The following GRIN2A variants were observed in gnomAD, a reference collection of about 807,000 sequenced individuals.
GRIN2A encodes the protein glutamate ionotropic receptor NMDA type subunit 2A, also known as glutamate receptor ionotropic, NMDA 2A.
In GRIN2A, 22 loss-of-function variants were observed where a neutral mutation model predicts 113.4. The ratio of observed to expected loss-of-function variants is 0.19; its 90% CI spans 0.14 to 0.28. GRIN2A has a LOEUF of 0.28. Ranked by LOEUF, GRIN2A falls within the 10% of genes least tolerant of loss-of-function variation. The pLI, the probability that GRIN2A is intolerant of heterozygous loss-of-function variation, is 1.00. For missense variants in GRIN2A, 1,502 were observed against 1,887.0 expected, an observed-to-expected ratio of 0.80 and a Z score of 3.78; for synonymous variants, 827 against 738.4, an observed-to-expected ratio of 1.12 and a Z score of -1.94.
At chr16:9,933,378 G>A (rs561925212) in intron 3 of GRIN2A, among the ~76,000 whole-genome samples, 1 of 152,114 alleles carries the variant, frequency 6.6e-6, no homozygotes, top group East Asian at 1.9e-4. Context: ...AGTCCATGAG[G>A]ACCACCAAGT....
intron 2 of GRIN2A, among the ~76,000 whole-genome samples, chr16:9,952,290 C>T (rs1292969889): frequency 6.6e-6 from 1 of 152,084 alleles, no homozygotes; most frequent in East Asian, 1.9e-4. Flanking sequence ...AAAGGGTTCC[C>T]AGTGACCCCT....
chr16:9,889,813 G>A (rs753071773), intron 4 of GRIN2A, among the ~76,000 whole-genome samples: 17 of 152,134 alleles, frequency 1.1e-4, no homozygotes, highest in African/African-American at 1.4e-4. Flanking sequence ...ATCAAAGAAT[G>A]CACCCTCCAT....
intron 2 of GRIN2A, among the ~76,000 whole-genome samples, chr16:10,067,644 G>C (rs534024991): frequency 6.6e-6 from 1 of 152,174 alleles, no homozygotes; most frequent in African/African-American, 2.4e-5. Context: ...GCAGCTGAGA[G>C]GAGTGGGGTG....
At chr16:9,957,736 A>T (rs1029387907) in intron 2 of GRIN2A, among the ~76,000 whole-genome samples, 6 of 152,200 alleles carry the variant, frequency 3.9e-5, no homozygotes, top group African/African-American at 1.4e-4. Context: ...GGGAAATTTA[A>T]CAACCGAAAG....
At chr16:9,906,501 T>C (rs567565830) in intron 3 of GRIN2A, among the ~76,000 whole-genome samples, 1 of 152,326 alleles carries the variant, frequency 6.6e-6, no homozygotes, top group South Asian at 2.1e-4. Context: ...GGTTCAGGGA[T>C]CGGTACGTGA....
At chr16:10,125,253 C>A (rs2048910768) in intron 2 of GRIN2A, among the ~76,000 whole-genome samples, 4 of 152,180 alleles carry the variant, frequency 2.6e-5, no homozygotes, top group South Asian at 4.1e-4. Context: ...GATTCAAGGT[C>A]TTTGACCCTG....
chr16:10,140,890 T>C (rs1182924031), intron 2 of GRIN2A, among the ~76,000 whole-genome samples: 1 of 152,152 alleles, frequency 6.6e-6, no homozygotes, highest in Non-Finnish European at 1.5e-5. Context: ...TGGGGAGACA[T>C]TCCCTGAATA....
At chr16:9,796,815 T>C (rs553511836) in intron 11 of GRIN2A, among the ~76,000 whole-genome samples, 1 of 152,154 alleles carries the variant, frequency 6.6e-6, no homozygotes, top group South Asian at 2.1e-4. Context: ...ATGAGGAAAA[T>C]AAATGCTTAC....
At chr16:9,911,455 T>C (rs955378694) in intron 3 of GRIN2A, among the ~76,000 whole-genome samples, 3 of 152,246 alleles carry the variant, frequency 2.0e-5, no homozygotes, top group African/African-American at 7.2e-5. Context: ...GTTAGCGATC[T>C]TGGGCAAGTT....
chr16:9,786,783 T>G (rs1902255554), intron 11 of GRIN2A, among the ~76,000 whole-genome samples: 2 of 152,230 alleles, frequency 1.3e-5, no homozygotes, highest in African/African-American at 4.8e-5. Context: ...TTAACTGACC[T>G]GTGACTCAGT....
At chr16:9,910,359 T>C (rs936082577) in intron 3 of GRIN2A, among the ~76,000 whole-genome samples, 1 of 152,040 alleles carries the variant, frequency 6.6e-6, no homozygotes, top group Non-Finnish European at 1.5e-5. Context: ...GGCAAATTTT[T>C]TGTTTTCTGT....
intron 2 of GRIN2A, chr16:10,112,765 G>A (rs1304798087): frequency 9.8e-6 from 7 of 712,688 alleles, no homozygotes; most frequent in African/African-American, 7.0e-5. Flanking sequence ...CTCATAGCGA[G>A]TAACCAGCAT....
chr16:9,998,385 T>A (rs942089381), intron 2 of GRIN2A, among the ~76,000 whole-genome samples: 2 of 152,180 alleles, frequency 1.3e-5, no homozygotes, highest in African/African-American at 4.8e-5. Flanking sequence ...GCCAGGGAGC[T>A]GGAAGGATGG....
intron 2 of GRIN2A, among the ~76,000 whole-genome samples, chr16:10,092,071 A>G (rs528298303): frequency 3.3e-5 from 5 of 152,334 alleles, no homozygotes; most frequent in East Asian, 3.9e-4. Context: ...AGCCCACACA[A>G]TAGTTTAGTC....
At chr16:9,972,346 A>G (rs779923260) in intron 2 of GRIN2A, among the ~76,000 whole-genome samples, 1 of 152,208 alleles carries the variant, frequency 6.6e-6, no homozygotes. Context: ...ATTACTTTAC[A>G]TATAAGAAGT....
intron 2 of GRIN2A, among the ~76,000 whole-genome samples, chr16:9,950,158 G>C (rs1168524382): frequency 1.3e-5 from 2 of 152,150 alleles, no homozygotes; most frequent in African/African-American, 4.8e-5. Flanking sequence ...GAAAGGAATT[G>C]ATTCCAAAAA....
At position 10,082,767 on chromosome 16, in the gene GRIN2A, A is replaced by G. The variant is rs569446225; in HGVS notation, c.414+97231T>C. ...GTTGGTGGTCGGTTGTTACACAGCA[A>G]TAGATAGCTGATACACAAGCCAAGA... On this transcript the variant is annotated intron_variant, in intron 2 of 12. Coordinates refer to ENST00000330684, the MANE Select transcript of GRIN2A (RefSeq NM_001134407.3). Among the ~76,000 whole-genome samples the G allele has an allele frequency of 1.4e-4, 22 of 152,356 alleles. 1 individual carries two copies. The South Asian group carries it at 4.1e-3, about 29-fold the overall frequency.
At chr16:10,107,311 C>G (rs778106230) in intron 2 of GRIN2A, among the ~76,000 whole-genome samples, 9 of 152,198 alleles carry the variant, frequency 5.9e-5, no homozygotes, top group Non-Finnish European at 1.3e-4. Flanking sequence ...CAGGGTGGAT[C>G]TGTCTCCCCC....
intron 2 of GRIN2A, among the ~76,000 whole-genome samples, chr16:10,021,892 C>G (rs184990981): frequency 6.6e-6 from 1 of 152,086 alleles, no homozygotes; most frequent in African/African-American, 2.4e-5. Context: ...GGACTCTCTG[C>G]CCCCAGTGAT....
Sources: allele counts gnomAD v4.1 joint callset (sites outside exome capture counted in the v4.1 genomes callset), GRCh38; gene constraint gnomAD v4.1.1; transcripts MANE v1.5; gene names NCBI Gene and HGNC (gene_info 2026-07-23, HGNC 2026-07-21).